The following CPS1 variants were observed in gnomAD, a reference collection of about 807,000 sequenced individuals.
CPS1 encodes carbamoyl-phosphate synthase [ammonia], mitochondrial.
In CPS1, 109 loss-of-function variants were observed where a neutral mutation model predicts 174.6. The ratio of observed to expected loss-of-function variants is 0.62; its 90% confidence interval spans 0.53 to 0.73. CPS1 has a LOEUF of 0.73. Ranked by LOEUF, CPS1 falls within the 30% of genes least tolerant of loss-of-function variation. The pLI is 0.00. For synonymous variants in CPS1, 637 were observed against 632.0 expected (o/e 1.01, Z -0.12); for missense variants, 1,689 against 1,821.9 (o/e 0.93, Z 1.33).
intron 5 of CPS1, among the ~76,000 whole-genome samples, chr2:210,580,178 G>T (rs573783585): frequency 1.3e-5 from 2 of 152,112 alleles, no homozygotes; most frequent in African/African-American, 2.4e-5. Context: ...GAAGTGTACA[G>T]CATTGTTACT....
At chr2:210,640,470 C>T (rs141234618) in intron 24 of CPS1, among the ~76,000 whole-genome samples, 330 of 152,290 alleles carry the variant, frequency 2.2e-3, no homozygotes, top group African/African-American at 7.6e-3. Flanking sequence ...CCTCATCCTA[C>T]GTAACATATA....
chr2:210,600,358 AAGT>A (rs1328892629), intron 14 of CPS1, among the ~76,000 whole-genome samples, 194 bp from the exon 15 acceptor site: 1 of 151,874 alleles, frequency 6.6e-6, no homozygotes, highest in Non-Finnish European at 1.5e-5. Context: ...ATATAAGTAA[AAGT>A]AGCATCAGTA....
intron 18 of CPS1, among the ~76,000 whole-genome samples, chr2:210,608,049 A>G (rs113133978): frequency 1.3e-5 from 2 of 152,066 alleles, no homozygotes; most frequent in African/African-American, 4.8e-5. Flanking sequence ...GAGGTTAAAT[A>G]CAAATAAAGG....
intron 32 of CPS1, 132 bp from the exon 33 acceptor site, chr2:210,662,991 G>T: frequency 2.3e-6 from 2 of 864,628 alleles, no homozygotes; most frequent in South Asian, 1.6e-5. Flanking sequence ...GGACCCAAGA[G>T]ATTTTTTACA....
chr2:210,618,497 AAC>A (rs1699394395), intron 21 of CPS1: 5 of 152,140 alleles, frequency 3.3e-5, no homozygotes, highest in Non-Finnish European at 5.9e-5. Context: ...CTAAACCCTG[AAC>A]TCATTATCTG....
chr2:210,618,446 C>G (rs1699391820), intron 21 of CPS1: 1 of 151,990 alleles, frequency 6.6e-6, no homozygotes, highest in Non-Finnish European at 1.5e-5. Context: ...CTAAAGTAAA[C>G]CTGAAGTGGA....
At chr2:210,503,809 G>T (rs141085501) in intron 1 of CPS1, among the ~76,000 whole-genome samples, 1 of 151,676 alleles carries the variant, frequency 6.6e-6, no homozygotes, top group Admixed American at 6.6e-5. Flanking sequence ...ATTTTATGCC[G>T]TATCAGGGAA....
intron 1 of CPS1, among the ~76,000 whole-genome samples, chr2:210,522,153 G>A (rs1323208614): frequency 1.3e-5 from 2 of 151,944 alleles, no homozygotes; most frequent in Non-Finnish European, 2.9e-5. Context: ...TCACATGCGA[G>A]TGTTGAATAC....
chr2:210,533,989 G>C (rs998609733), intron 1 of CPS1, among the ~76,000 whole-genome samples: 2 of 152,168 alleles, frequency 1.3e-5, no homozygotes, highest in African/African-American at 4.8e-5. Context: ...ACAGTGAATC[G>C]TTGAATTAAG....
intron 24 of CPS1, among the ~76,000 whole-genome samples, chr2:210,642,168 G>C (rs1358911247): frequency 6.6e-6 from 1 of 152,092 alleles, no homozygotes; most frequent in Admixed American, 6.6e-5. Context: ...CAGTAAGTGA[G>C]GGTTATTTTT....
At chr2:210,619,410 T>G (rs757562135) in intron 21 of CPS1, 15 of 151,992 alleles carry the variant, frequency 9.9e-5, no homozygotes, top group Admixed American at 1.3e-4. Flanking sequence ...CCCAAGAAAA[T>G]TTTTCCTCTT....
intron 1 of CPS1, among the ~76,000 whole-genome samples, chr2:210,513,776 G>T (rs1437710669): frequency 6.6e-6 from 1 of 152,016 alleles, no homozygotes; most frequent in Non-Finnish European, 1.5e-5. Flanking sequence ...CCAATGTCCA[G>T]AATGGTGTTT....
At chr2:210,560,833 G>T (rs555538045) in intron 1 of CPS1, among the ~76,000 whole-genome samples, 1 of 152,262 alleles carries the variant, frequency 6.6e-6, no homozygotes, top group Non-Finnish European at 1.5e-5. Context: ...TTAGATGTAA[G>T]AGTGGGGATG....
At chr2:210,634,774 G>T (rs751710338) in intron 21 of CPS1, among the ~76,000 whole-genome samples, 1 of 152,086 alleles carries the variant, frequency 6.6e-6, no homozygotes, top group Non-Finnish European at 1.5e-5. Context: ...TACAGAGCAC[G>T]TACTCACTAA....
At chr2:210,607,442 G>A (rs945018918) in intron 18 of CPS1, among the ~76,000 whole-genome samples, 1 of 151,938 alleles carries the variant, frequency 6.6e-6, no homozygotes, top group Non-Finnish European at 1.5e-5. Flanking sequence ...TACATCTGCT[G>A]TCTATGTAAC....
intron 1 of CPS1, among the ~76,000 whole-genome samples, chr2:210,502,378 TA>T (rs146519249): frequency 0.41 from 59,986 of 146,098 alleles, 13,800 homozygotes; most frequent in Non-Finnish European, 0.52. Context: ...TATATATATA[TA>T]TTTTTTTATA....
At chr2:210,560,937 T>G (rs1697078320) in intron 1 of CPS1, among the ~76,000 whole-genome samples, 1 of 152,154 alleles carries the variant, frequency 6.6e-6, no homozygotes, top group Non-Finnish European at 1.5e-5. Context: ...GCAAACTACA[T>G]TTTTGAAATA....
intron 1 of CPS1, among the ~76,000 whole-genome samples, chr2:210,545,742 T>G (rs868727989): frequency 6.6e-6 from 1 of 152,096 alleles, no homozygotes; most frequent in African/African-American, 2.4e-5. Context: ...TTTACAATTT[T>G]ACTCAAGTTA....
At chr2:210,493,269 G>C (rs908392974) in intron 1 of CPS1, among the ~76,000 whole-genome samples, 6 of 152,080 alleles carry the variant, frequency 3.9e-5, no homozygotes, top group African/African-American at 1.4e-4. Context: ...TTCAAATACT[G>C]GTTACAAATA....
Sources: allele counts gnomAD v4.1 joint callset (sites outside exome capture counted in the v4.1 genomes callset), GRCh38; gene constraint gnomAD v4.1.1; transcripts MANE v1.5; gene names NCBI Gene and HGNC (gene_info 2026-07-23, HGNC 2026-07-21).